TMEM38B: variants seen among roughly 807,000 people sequenced by gnomAD.
The protein encoded by TMEM38B is trimeric intracellular cation channel type B.
Under a neutral mutation model 28.7 loss-of-function variants are expected in TMEM38B, and 24 were observed. That is an observed-to-expected ratio of 0.84 (90% CI 0.61 to 1.18). TMEM38B has a LOEUF of 1.18. TMEM38B is among the 50% of genes most tolerant of loss of function. TMEM38B has a pLI of 0.00. For missense variants in TMEM38B, 380 were observed against 350.9 expected, an observed-to-expected ratio of 1.08 and a Z score of -0.66; for synonymous variants, 131 against 127.7, an observed-to-expected ratio of 1.03 and a Z score of -0.17.
At chr9:105,702,586 A>G (rs1369503757) in intron 1 of TMEM38B, 1 of 152,168 alleles carries the variant, frequency 6.6e-6, no homozygotes, top group African/African-American at 2.4e-5. Context: ...AGAATTTGGG[A>G]TTATTTTGTA....
In TMEM38B at chr9:105,713,918, G is replaced by C. The variant is rs577872957; in HGVS notation, c.270-7619G>C. The stretch of plus-strand genomic sequence containing the variant: ...GTTGCAGAGAGGACCTACCCTCTTT[G>C]GGGCCACCTCTGCTGAGAGCTGTAG... On this transcript the variant is annotated intron_variant, in intron 2 of 5. Transcript: ENST00000374692. Among the ~76,000 whole-genome samples the C allele has an allele frequency of 3.4e-5, 4 of 117,768 alleles. No homozygotes were observed. In the South Asian group the frequency reaches 7.5e-4, roughly 22 times the overall value. The allele number at this position is 117,768 out of a possible 152,430, so 77.3% of individuals were successfully genotyped here.
At chr9:105,731,232 T>G (rs1002444202) in intron 4 of TMEM38B, among the ~76,000 whole-genome samples, 1 of 152,032 alleles carries the variant, frequency 6.6e-6, no homozygotes, top group African/African-American at 2.4e-5. Flanking sequence ...ACACACCACT[T>G]TAAATGTGCC....
intron 4 of TMEM38B, among the ~76,000 whole-genome samples, chr9:105,747,470 CTTCT>C (rs1837457069): frequency 1.3e-5 from 2 of 151,972 alleles, no homozygotes; most frequent in South Asian, 4.2e-4. Context: ...TCTCTCTTTT[CTTCT>C]TTATTAGTCT....
intron 4 of TMEM38B, among the ~76,000 whole-genome samples, chr9:105,723,753 C>G (rs895922773): frequency 6.6e-6 from 1 of 152,052 alleles, no homozygotes; most frequent in African/African-American, 2.4e-5. Context: ...CTGGTCTTAA[C>G]TTTTGCCTCA....
chr9:105,705,663 G>A lies in TMEM38B; in HGVS notation c.179G>A (p.Gly60Asp). 1.9e-6 allele frequency: 3 copies of A among 1,614,054 alleles called. No individual in the cohort carries two copies. The highest frequency in any genetic ancestry group is 2.2e-5 in the East Asian group (1 of 44,854). Reference sequence around the variant, plus strand: ...TTTACTGCTATGCTCCACTGTTTTGGTGGAGGAATTTTATCCTGTCTACTG... The same window carrying A: ...TTTACTGCTATGCTCCACTGTTTTGATGGAGGAATTTTATCCTGTCTACTG... Reference protein sequence around the residue: ...SWFTAMLHCFGGGILSCLLLA... With the variant: ...SWFTAMLHCFDGGILSCLLLA... The change falls in exon 2 of 6, where the codon GGT (glycine) becomes GAT (aspartate). Residue 60 changes from glycine (G) to aspartate (D), a missense_variant. Coordinates refer to ENST00000374692, the MANE Select transcript of TMEM38B (RefSeq NM_018112.3).
chr9:105,713,461 G>A (rs559832598), intron 2 of TMEM38B, among the ~76,000 whole-genome samples: 6 of 152,336 alleles, frequency 3.9e-5, no homozygotes, highest in Non-Finnish European at 7.4e-5. Context: ...AGCCTGGCTG[G>A]GTGTGCCATT....
At chr9:105,718,128 C>A (rs984541421) in intron 2 of TMEM38B, among the ~76,000 whole-genome samples, 3 of 151,990 alleles carry the variant, frequency 2.0e-5, no homozygotes, top group Non-Finnish European at 4.4e-5. Flanking sequence ...CCTTTGTCTT[C>A]AGAGATCCTT....
At chr9:105,699,259 TTC>T (rs1835383520) in intron 1 of TMEM38B, among the ~76,000 whole-genome samples, 1 of 152,174 alleles carries the variant, frequency 6.6e-6, no homozygotes, top group Admixed American at 6.5e-5. Context: ...CCAACACCAC[TTC>T]TTTTAGATTT....
At position 105,721,627 on chromosome 9, in the gene TMEM38B, G is replaced by A; in HGVS notation, c.360G>A (p.Val120=). 1 of 1,613,632 alleles carries A rather than the reference G, an allele frequency of 6.2e-7. No homozygotes were observed. The highest frequency in any genetic ancestry group is 1.7e-5 in the Admixed American group (1 of 59,984). ...VQLLASGMKE[V]TRTWKIVGGV... is the part of the protein sequence containing the mutation. ...TACTGGCTTCGGGAATGAAGGAAGT[G>A]ACCAGAACTTGGAAAATAGTAGGTG... Residue 120 remains valine, a synonymous_variant, in exon 3 of 6, where the codon GTG becomes GTA. Coordinates refer to ENST00000374692, the MANE Select transcript of TMEM38B (RefSeq NM_018112.3).
At chr9:105,757,031 A>G (rs539039707) in intron 5 of TMEM38B, among the ~76,000 whole-genome samples, 9 of 152,146 alleles carry the variant, frequency 5.9e-5, no homozygotes, top group East Asian at 1.9e-4. Flanking sequence ...ACTGTACCCA[A>G]TGTGTAGTCT....
At chr9:105,711,814 T>C (rs1274967896) in intron 2 of TMEM38B, among the ~76,000 whole-genome samples, 1 of 148,674 alleles carries the variant, frequency 6.7e-6, no homozygotes, top group Non-Finnish European at 1.5e-5. Context: ...AGTGAGACCC[T>C]GTCTCCAAAA....
intron 5 of TMEM38B, among the ~76,000 whole-genome samples, chr9:105,753,923 A>G (rs1216655535): frequency 6.6e-6 from 1 of 152,188 alleles, no homozygotes; most frequent in East Asian, 1.9e-4. Context: ...AGAAACCCAT[A>G]TTCCATGCAA....
intron 5 of TMEM38B, among the ~76,000 whole-genome samples, chr9:105,771,742 G>A (rs536466062): frequency 4.1e-4 from 62 of 152,130 alleles, no homozygotes; most frequent in Middle Eastern, 3.4e-3. Context: ...TGGACTCCTC[G>A]TTTTACATTC....
chr9:105,763,850 G>A (rs1418459151), intron 5 of TMEM38B, among the ~76,000 whole-genome samples: 5 of 150,970 alleles, frequency 3.3e-5, no homozygotes, highest in Middle Eastern at 3.2e-3. Context: ...CTGGCAAACC[G>A]AATCCAGCAG....
At chr9:105,706,795 G>A (rs1418504791) in intron 2 of TMEM38B, among the ~76,000 whole-genome samples, 1 of 151,846 alleles carries the variant, frequency 6.6e-6, no homozygotes, top group Non-Finnish European at 1.5e-5. Flanking sequence ...CTTGAATTGA[G>A]CTGCTAAGCA....
chr9:105,743,009 A>C (rs921828670), intron 4 of TMEM38B, among the ~76,000 whole-genome samples: 1 of 152,152 alleles, frequency 6.6e-6, no homozygotes, highest in Non-Finnish European at 1.5e-5. Context: ...TTGGCGGTGC[A>C]TTTGGTGGTC....
At chr9:105,700,551 T>G (rs781063882) in intron 1 of TMEM38B, among the ~76,000 whole-genome samples, 9 of 152,238 alleles carry the variant, frequency 5.9e-5, no homozygotes, top group Non-Finnish European at 1.3e-4. Flanking sequence ...GCCTTATCTT[T>G]GCATGACCAT....
At chr9:105,715,651 C>T (rs1262625206) in intron 2 of TMEM38B, among the ~76,000 whole-genome samples, 3 of 151,844 alleles carry the variant, frequency 2.0e-5, no homozygotes, top group Non-Finnish European at 2.9e-5. Flanking sequence ...AAGACACTAT[C>T]TGTTATGTTT....
chr9:105,709,633 C>G (rs1460569604), intron 2 of TMEM38B, among the ~76,000 whole-genome samples: 9 of 152,140 alleles, frequency 5.9e-5, no homozygotes. Flanking sequence ...AACATACTGA[C>G]TAGGATAGAG....
Sources: allele counts gnomAD v4.1 joint callset (sites outside exome capture counted in the v4.1 genomes callset), GRCh38; gene constraint gnomAD v4.1.1; transcripts MANE v1.5; gene names NCBI Gene and HGNC (gene_info 2026-07-23, HGNC 2026-07-21).